The following PRKCB variants were observed in gnomAD, a reference collection of about 807,000 sequenced individuals.
PRKCB encodes protein kinase C beta.
A neutral mutation model predicts 81.5 loss-of-function variants in PRKCB; 13 were observed. The observed-to-expected ratio is 0.16, with a 90% confidence interval of 0.10 to 0.25. The LOEUF (loss-of-function observed/expected upper bound fraction) is 0.25. PRKCB is among the 10% of genes least tolerant of loss of function. The pLI is 1.00. For missense variants in PRKCB, 509 were observed against 875.7 expected (o/e 0.58, Z 5.29); for synonymous variants, 335 against 321.4 (o/e 1.04, Z -0.45).
intron 5 of PRKCB, among the ~76,000 whole-genome samples, chr16:24,071,592 T>C (rs962272431): frequency 2.0e-5 from 3 of 151,780 alleles, no homozygotes; most frequent in African/African-American, 7.3e-5. Context: ...GTTCTACTTG[T>C]GATTGGGGGT....
At chr16:23,956,117 A>G (rs571608487) in intron 2 of PRKCB, among the ~76,000 whole-genome samples, 2 of 152,180 alleles carry the variant, frequency 1.3e-5, no homozygotes, top group South Asian at 4.1e-4. Context: ...CATATCCTAT[A>G]TACTTTTTTT....
At chr16:23,912,457 C>T (rs1482220259) in intron 2 of PRKCB, among the ~76,000 whole-genome samples, 1 of 150,388 alleles carries the variant, frequency 6.6e-6, no homozygotes, top group Non-Finnish European at 1.5e-5. Context: ...TACTTTTTGC[C>T]TGTGGTTTTA....
chr16:24,155,379 G>A (rs1363430077), intron 10 of PRKCB, among the ~76,000 whole-genome samples: 2 of 152,192 alleles, frequency 1.3e-5, no homozygotes, highest in Non-Finnish European at 2.9e-5. Context: ...TGAGAAGGGA[G>A]CACTTGTCCA....
intron 5 of PRKCB, among the ~76,000 whole-genome samples, chr16:24,063,163 T>C (rs1965993843): frequency 6.6e-6 from 1 of 152,114 alleles, no homozygotes; most frequent in Non-Finnish European, 1.5e-5. Context: ...TCAATGCTGC[T>C]ACTCTCTGGA....
chr16:23,977,589 C>A (rs567192717), intron 2 of PRKCB, among the ~76,000 whole-genome samples: 14 of 152,178 alleles, frequency 9.2e-5, no homozygotes, highest in African/African-American at 3.4e-4. Flanking sequence ...TACAGATAGC[C>A]TCACACATGT....
chr16:24,059,427 G>A (rs1965944537), intron 5 of PRKCB, among the ~76,000 whole-genome samples: 1 of 152,094 alleles, frequency 6.6e-6, no homozygotes, highest in African/African-American at 2.4e-5. Flanking sequence ...GGAGTCTGAG[G>A]CAGAAGGATC....
rs536666417 is a variant in PRKCB, at chr16:23,856,766, C to T, written c.205+19360C>T. ...TCTCAAACTCCTGAGCTCAAACAGT[C>T]CTCCTACCTTGGCTTCCCAAAGTAC... is the stretch of plus-strand genomic sequence containing the variant. On this transcript the variant is annotated intron_variant, in intron 2 of 16. Coordinates refer to ENST00000643927, the MANE Select transcript of PRKCB (RefSeq NM_002738.7). Among the ~76,000 whole-genome samples the T allele has an allele frequency of 7.2e-5, 11 of 152,310 alleles. No individual in the cohort carries two copies. In the South Asian group the frequency reaches 2.1e-3, roughly 29 times the overall value.
chr16:23,873,772 C>A (rs1375563255), intron 2 of PRKCB, among the ~76,000 whole-genome samples: 1 of 152,188 alleles, frequency 6.6e-6, no homozygotes, highest in East Asian at 1.9e-4. Flanking sequence ...GAGCTGAGAC[C>A]TTAAGAGATG....
intron 2 of PRKCB, among the ~76,000 whole-genome samples, chr16:23,952,636 C>T (rs917047621): frequency 3.9e-5 from 6 of 152,156 alleles, no homozygotes; most frequent in East Asian, 1.9e-4. Flanking sequence ...TGGTTGTCCA[C>T]GTGGTTCCCT....
chr16:23,903,839 G>A (rs960315980), intron 2 of PRKCB, among the ~76,000 whole-genome samples: 2 of 152,142 alleles, frequency 1.3e-5, no homozygotes, highest in Non-Finnish European at 1.5e-5. Context: ...GTTCCTTCTG[G>A]ATATTGATTA....
intron 3 of PRKCB, among the ~76,000 whole-genome samples, chr16:24,021,022 TTC>T (rs547850363): frequency 3.1e-5 from 4 of 129,026 alleles, no homozygotes; most frequent in Admixed American, 2.3e-4. Context: ...CTTTCTTTCT[TTC>T]TTTCTTTCTT....
intron 11 of PRKCB, among the ~76,000 whole-genome samples, chr16:24,173,454 G>T (rs1338264119): frequency 6.6e-6 from 1 of 152,050 alleles, no homozygotes; most frequent in African/African-American, 2.4e-5. Context: ...AGTTCAGCTT[G>T]CCCCCTCTCC....
At chr16:24,166,138 T>C (rs1048504971) in intron 10 of PRKCB, among the ~76,000 whole-genome samples, 3 of 152,142 alleles carry the variant, frequency 2.0e-5, no homozygotes, top group African/African-American at 7.2e-5. Context: ...CTGTCCACCT[T>C]AACCTCCCAA....
At chr16:24,092,609 G>A (rs1338508452) in intron 5 of PRKCB, among the ~76,000 whole-genome samples, 182 bp from the exon 6 acceptor site, 1 of 152,172 alleles carries the variant, frequency 6.6e-6, no homozygotes. Flanking sequence ...ACAGACCAGA[G>A]TTGACATCTT....
intron 5 of PRKCB, among the ~76,000 whole-genome samples, chr16:24,056,687 T>C (rs1213212913): frequency 6.6e-6 from 1 of 152,122 alleles, no homozygotes; most frequent in Non-Finnish European, 1.5e-5. Context: ...CTCCCCTCTC[T>C]CATTCTTGTT....
At chr16:23,993,721 T>C (rs1177437345) in intron 3 of PRKCB, among the ~76,000 whole-genome samples, 1 of 152,190 alleles carries the variant, frequency 6.6e-6, no homozygotes, top group Non-Finnish European at 1.5e-5. Flanking sequence ...GGCCATTTGG[T>C]GGCACTCAAC....
rs1414824146 is a variant in PRKCB at position 24,220,184 on chromosome 16, T to C, written c.*5368T>C. On this transcript the variant is annotated 3_prime_UTR_variant, in exon 17 of 17. Transcript: ENST00000643927. Reference sequence around the variant, plus strand: ...CCAAGCGTATGTATCAATTCTAGTCTTCCAGGATTCACGGTGCACATGCTG... The same window carrying C: ...CCAAGCGTATGTATCAATTCTAGTCCTCCAGGATTCACGGTGCACATGCTG... The C allele has an allele frequency of 1.9e-6, 3 of 1,567,398 alleles. No homozygotes were observed. The highest frequency in any genetic ancestry group is 2.6e-6 in the Non-Finnish European group (3 of 1,147,438).
intron 10 of PRKCB, among the ~76,000 whole-genome samples, chr16:24,170,167 G>C (rs947617355): frequency 1.3e-5 from 2 of 152,044 alleles, no homozygotes; most frequent in African/African-American, 2.4e-5. Context: ...AAAGACAAAG[G>C]CCAGGAATTT....
intron 3 of PRKCB, among the ~76,000 whole-genome samples, chr16:23,998,655 A>G (rs1486903561): frequency 6.6e-6 from 1 of 152,258 alleles, no homozygotes; most frequent in Admixed American, 6.5e-5. Flanking sequence ...TATCAAATAC[A>G]TAGATATCTG....
Sources: allele counts gnomAD v4.1 joint callset (sites outside exome capture counted in the v4.1 genomes callset), GRCh38; gene constraint gnomAD v4.1.1; transcripts MANE v1.5; gene names NCBI Gene and HGNC (gene_info 2026-07-23, HGNC 2026-07-21).